Variants in SYTL2 observed in about 807,000 individuals in gnomAD.
SYTL2 encodes the protein synaptotagmin-like protein 2.
SYTL2 carries 165 observed loss-of-function variants against 198.7 expected under a neutral mutation model. The ratio of observed to expected loss-of-function variants is 0.83; its 90% CI spans 0.73 to 0.94. The LOEUF is 0.94. Among genes scored for constraint, SYTL2 ranks in the 40% least tolerant of loss-of-function variants. The probability of loss-of-function intolerance (pLI) is 0.00; values close to 1 mark genes in which losing one functional copy is unlikely to be tolerated. For synonymous variants in SYTL2, 966 were observed against 917.7 expected (o/e 1.05, Z -0.95); for missense variants, 2,835 against 2,582.8 (o/e 1.10, Z -2.12).
chr11:85,710,081 T>C (rs1042461755), intron 13 of SYTL2, among the ~76,000 whole-genome samples: 8 of 152,366 alleles, frequency 5.3e-5, no homozygotes, highest in African/African-American at 1.9e-4. Flanking sequence ...GGTGATTTTA[T>C]GCTAGGTGGC....
chr11:85,755,047 A>C (rs1428429942), intron 2 of SYTL2, among the ~76,000 whole-genome samples: 1 of 152,172 alleles, frequency 6.6e-6, no homozygotes, highest in Non-Finnish European at 1.5e-5. Context: ...CATAGTTATT[A>C]GGCTATAACT....
chr11:85,851,082 C>T, the SYTL2 span, among the ~76,000 whole-genome samples: 9 of 150,492 alleles, frequency 6.0e-5, no homozygotes, highest in African/African-American at 2.0e-4. Context: ...TGCTAGATGA[C>T]GAGTTAGTGG....
At chr11:85,741,077 T>C (rs1439530146) in intron 4 of SYTL2, among the ~76,000 whole-genome samples, 1 of 152,138 alleles carries the variant, frequency 6.6e-6, no homozygotes, top group African/African-American at 2.4e-5. Context: ...TGAGGTTTTT[T>C]TTTTTTTCTT....
intron 7 of SYTL2, 95 bp from the exon 8 acceptor site, chr11:85,728,062 T>C (rs1347713184): frequency 1.8e-6 from 2 of 1,108,422 alleles, no homozygotes; most frequent in African/African-American, 1.6e-5. Flanking sequence ...CACTTTGTAT[T>C]TGCACTTTCT....
chr11:85,745,550 T>G, intron 4 of SYTL2, 87 bp downstream of exon 4: 6 of 1,462,598 alleles, frequency 4.1e-6, no homozygotes, highest in Non-Finnish European at 5.6e-6. Context: ...GTCTGGCATC[T>G]GTACTCATAG....
Position 85,727,859 on chromosome 11 carries a change from G to A in SYTL2, c.1499C>T (p.Thr500Ile). 3 of 1,612,590 alleles carry A rather than the reference G, an allele frequency of 1.9e-6. No individual in the cohort carries two copies. Among genetic ancestry groups the A allele is most frequent in the East Asian group, 2.2e-5 (1 of 44,876 alleles). ...PPPLPALKAK[T>I]SSRSGPYATE... The stretch of plus-strand genomic sequence containing the variant: ...GGCATATGGACCAGAACGTGAAGAT[G>A]TCTTAGCTTTTAGAGCCGGGAGAGG... Residue 500 changes from threonine (T) to isoleucine (I), a missense_variant, in exon 8 of 20, where the codon ACA becomes ATA. Around this residue, in one of 3 missense-constraint regions of SYTL2, gnomAD observed 2,645 missense variants for 2,381.7 expected, o/e 1.11. Transcript: ENST00000359152.
At chr11:85,781,801 A>T (rs1038870904) in intron 1 of SYTL2, among the ~76,000 whole-genome samples, 2 of 152,322 alleles carry the variant, frequency 1.3e-5, no homozygotes, top group Admixed American at 1.3e-4. Flanking sequence ...TATCTAGGTC[A>T]TGCTGATGCA....
In SYTL2 at chr11:85,752,429, A is replaced by G. The variant is rs1201597417; in HGVS notation, c.102-4006T>C. On this transcript the variant is annotated intron_variant, in intron 2 of 19. Coordinates refer to ENST00000359152, the MANE Select transcript of SYTL2 (RefSeq NM_206927.4). ...GGCAGCAGAAGCCAGTCTGACTCCCAGCCAACACACTTTCTACTACCCGAT... is the reference window on the plus strand; with the variant it reads ...GGCAGCAGAAGCCAGTCTGACTCCCGGCCAACACACTTTCTACTACCCGAT... Among the ~76,000 whole-genome samples, 7 of 152,288 alleles carry G rather than the reference A, an allele frequency of 4.6e-5. No homozygotes were observed. In the East Asian group the frequency reaches 1.4e-3, roughly 29 times the overall value.
intron 1 of SYTL2, among the ~76,000 whole-genome samples, chr11:85,760,939 A>G (rs533134432): frequency 1.9e-3 from 291 of 152,320 alleles, no homozygotes; most frequent in Non-Finnish European, 3.2e-3. Context: ...GAGCCCTCAG[A>G]GGGCAATCAA....
chr11:85,839,516 C>T, the SYTL2 span, among the ~76,000 whole-genome samples: 2 of 152,172 alleles, frequency 1.3e-5, no homozygotes, highest in Non-Finnish European at 2.9e-5. Context: ...TTCTAGACCC[C>T]ACAAATAAGT....
chr11:85,722,522 G>A (rs2088496914), intron 8 of SYTL2, among the ~76,000 whole-genome samples: 1 of 151,950 alleles, frequency 6.6e-6, no homozygotes. Flanking sequence ...TTACTATTCA[G>A]TCAGTTATGC....
At chr11:85,723,192 C>T (rs1294806117) in intron 8 of SYTL2, among the ~76,000 whole-genome samples, 1 of 152,188 alleles carries the variant, frequency 6.6e-6, no homozygotes, top group Non-Finnish European at 1.5e-5. Flanking sequence ...CATTTTACAG[C>T]CTGGCCGCCA....
intron 4 of SYTL2, among the ~76,000 whole-genome samples, chr11:85,741,646 C>A (rs1006575610): frequency 6.6e-6 from 1 of 152,318 alleles, no homozygotes; most frequent in East Asian, 1.9e-4. Flanking sequence ...ATTGGCTCAT[C>A]TCTACCCTGC....
rs951528343 is a variant in SYTL2 at position 85,748,401 on chromosome 11, C to T, written c.124G>A (p.Asp42Asn). 2 of 1,613,866 alleles carry T rather than the reference C, an allele frequency of 1.2e-6. No individual in the cohort carries two copies. Among genetic ancestry groups the T allele is most frequent in the Non-Finnish European group, 1.7e-6 (2 of 1,179,898 alleles). Residue 42 changes from aspartate to asparagine, a missense_variant, in exon 3 of 20, where the codon GAT becomes AAT. Physicochemically the swap from Asp to Asn is conservative, Grantham distance 23 (BLOSUM62 1). Transcript: ENST00000359152. ...CTCATATTCTTCAGCTGCTGGTCAT[C>T]CTTAATTTTTTCAGGCAAATGTCTA... ...RVRHLPEKIK[D>N]DQQLKNMSGQ...
chr11:85,709,637 CAT>C (rs2085901391), intron 13 of SYTL2, 137 bp from the exon 14 acceptor site: 2 of 765,952 alleles, frequency 2.6e-6, no homozygotes, highest in East Asian at 2.6e-5. Flanking sequence ...AGCATAAAGA[CAT>C]ATCTATAAAG....
intron 3 of SYTL2, 56 bp from the exon 4 acceptor site, chr11:85,745,828 A>C: frequency 1.3e-6 from 2 of 1,549,980 alleles, no homozygotes; most frequent in Non-Finnish European, 1.8e-6. Context: ...ATGACCTACA[A>C]CTCTCTTATC....
At chr11:85,788,204 G>GAA (rs1173876433) in intron 1 of SYTL2, among the ~76,000 whole-genome samples, 1 of 152,154 alleles carries the variant, frequency 6.6e-6, no homozygotes, top group Non-Finnish European at 1.5e-5. Context: ...GGCCTCTGAT[G>GAA]AAAATGAGAA....
chr11:85,762,295 A>G (rs963131694), intron 1 of SYTL2, among the ~76,000 whole-genome samples: 6 of 152,206 alleles, frequency 3.9e-5, no homozygotes, highest in Admixed American at 1.3e-4. Context: ...AGAGCCTCAC[A>G]ATAACCTCAG....
Position 85,724,341 on chromosome 11 carries a change from T to C in SYTL2, c.5017A>G (p.Ile1673Val), listed in dbSNP as rs148045044. 7.5e-5 allele frequency: 118 copies of C among 1,583,480 alleles called. No individual in the cohort carries two copies. The highest frequency in any genetic ancestry group is 9.6e-5 in the Non-Finnish European group (112 of 1,167,812). ...GGGGTTACAGTTTTAATGGTCCCTATTTCATGAGCCACATAAAGTTGTGGG... is the reference window on the plus strand; with the variant it reads ...GGGGTTACAGTTTTAATGGTCCCTACTTCATGAGCCACATAAAGTTGTGGG... ...RTPQLYVAHE[I>V]GTIKTVTPPE... The change falls in exon 8 of 20, where the codon ATA becomes GTA. Residue 1673 changes from isoleucine to valine, a missense_variant. By Grantham distance (29) the Ile-to-Val change is conservative (BLOSUM62 3). This residue lies in a region of SYTL2 where 2,645 missense variants were observed against 2,381.7 expected (regional missense o/e 1.11). Transcript: ENST00000359152.
Sources: gnomAD v4.1 joint callset for allele counts (sites outside exome capture counted in the v4.1 genomes callset) on GRCh38, gnomAD v4.1.1 for gene constraint, gnomAD v4.1.1 regional missense constraint, MANE v1.5 for transcripts, NCBI Gene and HGNC (gene_info 2026-07-23, HGNC 2026-07-21) for gene names.